The following C16orf92 variants were observed in gnomAD, a reference collection of about 807,000 sequenced individuals.
C16orf92 encodes fertilization-influencing membrane protein.
Under a neutral mutation model 13.7 loss-of-function variants are expected in C16orf92, and 14 were observed. The ratio of observed to expected loss-of-function variants is 1.02; its 90% CI spans 0.67 to 1.60. C16orf92 has a LOEUF of 1.60. Among genes scored for constraint, C16orf92 ranks in the 40% most tolerant of loss-of-function variants. The pLI is 0.00. For missense variants in C16orf92, 116 were observed against 139.0 expected (o/e 0.83, Z 0.83); for synonymous variants, 50 against 57.4 (o/e 0.87, Z 0.58).
At chr16:30,026,883 A>C, downstream of C16orf92, 2 of 1,546,054 alleles carry the variant, frequency 1.3e-6, no homozygotes, top group Non-Finnish European at 1.8e-6. Context: ...CAAGGAGGAA[A>C]GGGGACACCA....
At chr16:30,026,579 A>ACCCCC, downstream of C16orf92, 1 of 1,585,778 alleles carries the variant, frequency 6.3e-7, no homozygotes, top group Non-Finnish European at 8.6e-7. Context: ...GGCCACCCGC[A>ACCCCC]CCCCGCCCGC....
At chr16:30,023,564 G>A in intron 1 of C16orf92, 160 bp downstream of exon 1, 1 of 1,437,878 alleles carries the variant, frequency 7.0e-7, no homozygotes, top group Non-Finnish European at 9.6e-7. Context: ...ACAACCGCGA[G>A]CCTTGTCGTG....
chr16:30,024,590 T>C lies in C16orf92; in HGVS notation c.*363T>C, dbSNP rs1441146485. ...TGGTGAGGGACTGGGCGCCCTCGCC[T>C]GCCCCCGGGGTTGTCAGCACTGGGA... On this transcript the variant is annotated 3_prime_UTR_variant, in exon 4 of 4. Coordinates refer to ENST00000681219, the MANE Select transcript of C16orf92 (RefSeq NM_001109659.2). 1 of 313,514 alleles carries C rather than the reference T, an allele frequency of 3.2e-6. No individual in the cohort carries two copies. Among genetic ancestry groups the C allele is most frequent in the Non-Finnish European group, 5.9e-6 (1 of 169,548 alleles). The allele number at this position is 313,514 out of a possible 1,614,324, so 19.4% of individuals were successfully genotyped here. A position where few individuals can be genotyped will look rare whatever the true frequency, so the allele number is the denominator to read the frequency against.
chr16:30,027,730 G>T, downstream of C16orf92: 1 of 449,856 alleles, frequency 2.2e-6, no homozygotes, highest in Non-Finnish European at 4.5e-6. Flanking sequence ...TTCTTCTGGA[G>T]TCAGCACATT....
In C16orf92 at chr16:30,024,355, CTG is replaced by C. The variant is rs2070990534; in HGVS notation, c.*130_*131del. 7.7e-7 allele frequency: 1 copy of C among 1,299,974 alleles called. No homozygotes were observed. The highest frequency in any genetic ancestry group is 2.4e-5 in the Admixed American group (1 of 41,640). 80.5% of individuals were successfully genotyped at this position (1,299,974 alleles called of 1,614,324 possible). ...CGAGCAGCTGGGGATCCTGTCCCCT[CTG>C]TTTCCCATGGCCCAAGCCCCCCACC... On this transcript the variant is annotated 3_prime_UTR_variant, in exon 4 of 4. Coordinates refer to ENST00000681219, the MANE Select transcript of C16orf92 (RefSeq NM_001109659.2).
chr16:30,026,349 CTG>C (rs1187286393), downstream of C16orf92, among the ~76,000 whole-genome samples: 1 of 152,154 alleles, frequency 6.6e-6, no homozygotes, highest in African/African-American at 2.4e-5. Context: ...GGTGAGGAAA[CTG>C]AGGCTCAGAG....
downstream of C16orf92, chr16:30,025,437 C>T: frequency 6.2e-7 from 1 of 1,612,806 alleles, no homozygotes. The surrounding 1 kb of genome is among the most constrained non-coding windows in gnomAD (Gnocchi z 4.1). Flanking sequence ...GCCCCGTTCA[C>T]CTTGTGCAGC....
At chr16:30,026,916 G>T, downstream of C16orf92, 2 of 1,288,456 alleles carry the variant, frequency 1.6e-6, no homozygotes, top group Non-Finnish European at 1.1e-6. Flanking sequence ...AGATCTCAGG[G>T]GTCAGCACAG....
chr16:30,023,973 A>T (rs1360282919), intron 2 of C16orf92, 26 bp from the exon 3 acceptor site: 1 of 1,598,838 alleles, frequency 6.3e-7, no homozygotes. Flanking sequence ...ATCAGAGGGG[A>T]GTTAAGGGTC....
Position 30,024,330 on chromosome 16 carries a change from CG to C in C16orf92, c.*104del. The C allele has an allele frequency of 6.9e-7, 1 of 1,445,802 alleles. No homozygotes were observed. The highest frequency in any genetic ancestry group is 9.5e-7 in the Non-Finnish European group (1 of 1,051,578). 89.6% of individuals were successfully genotyped at this position (1,445,802 alleles called of 1,614,324 possible). The stretch of plus-strand genomic sequence containing the variant: ...GCTTTCCTCCTCCCTGACTGCCCAG[CG>C]AGCAGCTGGGGATCCTGTCCCCTCT... On this transcript the variant is annotated 3_prime_UTR_variant, in exon 4 of 4. Coordinates refer to ENST00000681219, the MANE Select transcript of C16orf92 (RefSeq NM_001109659.2).
At chr16:30,025,708 C>G, downstream of C16orf92, 1 of 1,613,154 alleles carries the variant, frequency 6.2e-7, no homozygotes, top group Non-Finnish European at 8.5e-7. This position sits in a 1 kb window ranked among gnomAD's most constrained non-coding sequence, Gnocchi z 4.1. Flanking sequence ...GCTCCTGCAC[C>G]CTCCCATGCT....
At chr16:30,027,648 G>A (rs779434655), downstream of C16orf92, 33 of 455,978 alleles carry the variant, frequency 7.2e-5, no homozygotes, top group Admixed American at 1.2e-4. Flanking sequence ...AAGGAGCCAA[G>A]GACAAAGAAA....
rs1055726631 is a variant in C16orf92 at position 30,023,551 on chromosome 16, C to G, written c.64+147C>G. 7 of 1,413,710 alleles carry G rather than the reference C, an allele frequency of 5.0e-6. No homozygotes were observed. In the African/African-American group the frequency reaches 7.1e-5, roughly 14 times the overall value. The allele number at this position is 1,413,710 out of a possible 1,614,324, so 87.6% of individuals were successfully genotyped here. On this transcript the variant is annotated intron_variant, in intron 1 of 3. Coordinates refer to ENST00000681219, the MANE Select transcript of C16orf92 (RefSeq NM_001109659.2). Reference sequence around the variant, plus strand: ...CCATCCTGCTGGTCCCACCTACCCCCCAACAACCGCGAGCCTTGTCGTGGT... The same window carrying G: ...CCATCCTGCTGGTCCCACCTACCCCGCAACAACCGCGAGCCTTGTCGTGGT...
At chr16:30,026,400 C>T (rs956639234), downstream of C16orf92, among the ~76,000 whole-genome samples, 2 of 152,158 alleles carry the variant, frequency 1.3e-5, no homozygotes, top group African/African-American at 2.4e-5. Context: ...AGCCGGGCAT[C>T]GTCCAGCCCA....
chr16:30,023,648 G>A (rs1041497506), intron 1 of C16orf92, 79 bp from the exon 2 acceptor site: 10 of 1,612,576 alleles, frequency 6.2e-6, no homozygotes, highest in Non-Finnish European at 8.5e-6. Context: ...GTCTCACAGG[G>A]TCCCAAGTCA....
At chr16:30,026,422 C>T (rs1431912867), downstream of C16orf92, among the ~76,000 whole-genome samples, 1 of 152,108 alleles carries the variant, frequency 6.6e-6, no homozygotes, top group Non-Finnish European at 1.5e-5. Flanking sequence ...GGCCAGGCTG[C>T]CCCCACACCC....
At chr16:30,025,216 GGA>G, downstream of C16orf92, 1 of 1,501,896 alleles carries the variant, frequency 6.7e-7, no homozygotes, top group East Asian at 2.5e-5. This position sits in a 1 kb window ranked among gnomAD's most constrained non-coding sequence, Gnocchi z 4.1. Context: ...GGGGCGGCCG[GGA>G]GCGGGGCCAG....
chr16:30,025,160 G>A (rs749564235), downstream of C16orf92: 3 of 1,400,458 alleles, frequency 2.1e-6, no homozygotes, highest in African/African-American at 4.4e-5. This position sits in a 1 kb window ranked among gnomAD's most constrained non-coding sequence, Gnocchi z 4.1. Flanking sequence ...GGGTGGGGAG[G>A]GGGAGGGTCC....
chr16:30,023,849 T>A lies in C16orf92; in HGVS notation c.187T>A (p.Phe63Ile), dbSNP rs371030499. 1.2e-6 allele frequency: 2 copies of A among 1,613,888 alleles called. No individual in the cohort carries two copies. The highest frequency in any genetic ancestry group is 2.2e-5 in the South Asian group (2 of 91,076). ...DQARLLAVAQFIGEKPIVFIN... is the reference protein window; with the variant it reads ...DQARLLAVAQIIGEKPIVFIN... Reference sequence around the variant, plus strand: ...AGCCAGGCTGCTGGCTGTGGCCCAGTTTATTGGAGAGAAACCCATCGTGTT... The same window carrying A: ...AGCCAGGCTGCTGGCTGTGGCCCAGATTATTGGAGAGAAACCCATCGTGTT... Residue 63 changes from phenylalanine (F) to isoleucine (I), a missense_variant, in exon 2 of 4, where the codon TTT becomes ATT. Transcript: ENST00000681219.
Sources: gnomAD v4.1 joint callset for allele counts (sites outside exome capture counted in the v4.1 genomes callset) on GRCh38, gnomAD v4.1.1 for gene constraint, Gnocchi (gnomAD v3.1) non-coding constraint, MANE v1.5 for transcripts, NCBI Gene and HGNC (gene_info 2026-07-23, HGNC 2026-07-21) for gene names.